ATP8B4: variants seen among roughly 807,000 people sequenced by gnomAD.
ATP8B4 encodes probable phospholipid-transporting ATPase IM.
In ATP8B4, 133 loss-of-function variants were observed where a neutral mutation model predicts 145.6. That is an observed-to-expected ratio of 0.91 (90% CI 0.79 to 1.05). ATP8B4 has a LOEUF of 1.05. Ranked by LOEUF, ATP8B4 falls within the 50% of genes least tolerant of loss-of-function variation. The pLI is 0.00. For missense variants in ATP8B4, 1,458 were observed against 1,425.2 expected (o/e 1.02, Z -0.37); for synonymous variants, 507 against 492.9 (o/e 1.03, Z -0.38).
intron 5 of ATP8B4, among the ~76,000 whole-genome samples, chr15:50,041,553 C>T (rs542228980): frequency 5.3e-5 from 8 of 152,296 alleles, no homozygotes; most frequent in Non-Finnish European, 7.4e-5. Context: ...CCTTGAACAA[C>T]GGCAACCTCA....
chr15:50,003,281 T>C (rs1320501295), intron 7 of ATP8B4, among the ~76,000 whole-genome samples: 1 of 145,290 alleles, frequency 6.9e-6, no homozygotes, highest in Non-Finnish European at 1.5e-5. Context: ...TGCATGTGTG[T>C]GTGTGTGTGT....
At chr15:49,873,100 G>T (rs1464848407) in intron 25 of ATP8B4, among the ~76,000 whole-genome samples, 1 of 152,090 alleles carries the variant, frequency 6.6e-6, no homozygotes, top group Non-Finnish European at 1.5e-5. Flanking sequence ...AGCAACAAAA[G>T]GTTATCCATT....
chr15:49,951,980 G>A (rs2043143581), intron 14 of ATP8B4, among the ~76,000 whole-genome samples: 1 of 152,106 alleles, frequency 6.6e-6, no homozygotes, highest in African/African-American at 2.4e-5. Flanking sequence ...ACGAAATCCT[G>A]GGTTGAAAAT....
Position 49,862,343 on chromosome 15 carries a change from T to C in ATP8B4, c.3199A>G (p.Ile1067Val), listed in dbSNP as rs759307195. The change falls in exon 27 of 28, where the codon ATC (isoleucine) becomes GTC (valine). Residue 1067 changes from isoleucine (I) to valine (V), a missense_variant. Coordinates refer to ENST00000284509, the MANE Select transcript of ATP8B4 (RefSeq NM_024837.4). ...GTTGTTAAGAGAATTACAAGCCAGA[T>C]GCACTTCTGGGTCAGGGAATGTCGT... Reference protein sequence around the residue: ...NARHSLTQKCIWLVILLTTVA... With the variant: ...NARHSLTQKCVWLVILLTTVA... The C allele has an allele frequency of 1.5e-5, 24 of 1,613,696 alleles. No individual in the cohort carries two copies. The Middle Eastern group carries it at 2.1e-3, about 144-fold the overall frequency.
rs558628948 is a variant in ATP8B4, at chr15:50,057,556, T to A, written c.88-10092A>T. 3.9e-5 allele frequency among the ~76,000 whole-genome samples: 6 copies of A among 152,316 alleles called. No homozygotes were observed. The East Asian group carries it at 1.2e-3, about 29-fold the overall frequency. On this transcript the variant is annotated intron_variant, in intron 3 of 27. Transcript: ENST00000284509. ...CAGTGAAGAGCTCACATTAATTCAA[T>A]CAGCTGGAGCAGTCACTTCCAGTCC...
upstream of ATP8B4, among the ~76,000 whole-genome samples, chr15:50,123,040 C>G (rs944645590): frequency 2.6e-5 from 4 of 152,056 alleles, no homozygotes; most frequent in Admixed American, 2.6e-4. Flanking sequence ...AGCACACAAC[C>G]CAGCACCTGT....
chr15:49,929,730 A>C, intron 16 of ATP8B4, among the ~76,000 whole-genome samples: 1 of 152,088 alleles, frequency 6.6e-6, no homozygotes, highest in South Asian at 2.1e-4. Flanking sequence ...GAAGAGAAAC[A>C]GGAGCCAGAA....
chr15:49,978,404 G>A (rs2413993), intron 12 of ATP8B4, among the ~76,000 whole-genome samples: 74,409 of 151,958 alleles, frequency 0.49, 19,190 homozygotes, highest in East Asian at 0.65. Flanking sequence ...TGGTATTGTG[G>A]CCACATGCCA....
intron 2 of ATP8B4, among the ~76,000 whole-genome samples, chr15:50,082,529 G>A (rs1740404349): frequency 6.6e-6 from 1 of 152,184 alleles, no homozygotes; most frequent in Non-Finnish European, 1.5e-5. Context: ...TGGAAAATTT[G>A]ATTTGAGAAC....
At chr15:49,884,957 C>T (rs2035999273) in intron 23 of ATP8B4, among the ~76,000 whole-genome samples, 1 of 152,210 alleles carries the variant, frequency 6.6e-6, no homozygotes, top group Non-Finnish European at 1.5e-5. Context: ...GGAAAATTGT[C>T]TTCCATGAAA....
intron 3 of ATP8B4, 39 bp downstream of exon 3, chr15:50,074,088 C>A: frequency 6.4e-7 from 1 of 1,571,596 alleles, no homozygotes; most frequent in Non-Finnish European, 8.7e-7. Flanking sequence ...TTAGGTAAGA[C>A]CTATCCTAGT....
At chr15:49,917,535 C>T (rs997283119) in intron 19 of ATP8B4, among the ~76,000 whole-genome samples, 1 of 152,068 alleles carries the variant, frequency 6.6e-6, no homozygotes, top group African/African-American at 2.4e-5. Flanking sequence ...TTCTCTCACA[C>T]ACAACATTGC....
intron 23 of ATP8B4, among the ~76,000 whole-genome samples, chr15:49,894,001 C>T (rs1239659655): frequency 1.3e-5 from 2 of 152,148 alleles, no homozygotes; most frequent in Non-Finnish European, 2.9e-5. Context: ...GAAGCTGACC[C>T]CACAGCATTG....
intron 3 of ATP8B4, among the ~76,000 whole-genome samples, chr15:50,067,971 G>A (rs1204357877): frequency 1.3e-5 from 2 of 152,128 alleles, no homozygotes; most frequent in Non-Finnish European, 2.9e-5. Flanking sequence ...TTAAAGAAAA[G>A]GGGACAATGA....
chr15:50,158,229 T>G lies in ATP8B4; in HGVS notation c.-43+24032A>C, dbSNP rs1398400132. The stretch of plus-strand genomic sequence containing the variant: ...GCCTGGCCGCCCATCGTCTGGGATG[T>G]GAGGAGCCCCTCTGCCCGGCTGCCC... On this transcript the variant is annotated intron_variant, in intron 1 of 3. Coordinates refer to the ATP8B4 transcript ENST00000558829. Among the ~76,000 whole-genome samples the G allele has an allele frequency of 6.0e-4, 90 of 150,870 alleles. No individual in the cohort carries two copies. The Middle Eastern group carries it at 0.017, about 29-fold the overall frequency.
intron 25 of ATP8B4, among the ~76,000 whole-genome samples, chr15:49,869,933 C>G (rs1440372207): frequency 6.6e-6 from 1 of 151,966 alleles, no homozygotes; most frequent in African/African-American, 2.4e-5. Flanking sequence ...ACTCTCTGAC[C>G]CAGTAATGAA....
chr15:50,081,323 A>G (rs757781312), intron 2 of ATP8B4, among the ~76,000 whole-genome samples: 24 of 152,222 alleles, frequency 1.6e-4, no homozygotes, highest in Admixed American at 2.6e-4. Context: ...ACAGAAAAAT[A>G]CCAGAAAAAT....
In ATP8B4 at chr15:49,972,710, G is replaced by T; in HGVS notation, c.1115C>A (p.Ala372Glu). The change falls in exon 13 of 28, where the codon GCA becomes GAA. Residue 372 changes from alanine to glutamate, a missense_variant. By Grantham distance (107) the Ala-to-Glu change is moderately radical. Coordinates refer to ENST00000284509, the MANE Select transcript of ATP8B4 (RefSeq NM_024837.4). The stretch of plus-strand genomic sequence containing the variant: ...ATTGAGCGTGGTCGTTCGAGCCACT[G>T]CAGGTATTGCTTTTCGAGAATAATA... The part of the protein sequence containing the change: ...KMYYSRKAIP[A>E]VARTTTLNEE... 1 of 1,613,964 alleles carries T rather than the reference G, an allele frequency of 6.2e-7. No homozygotes were observed.
chr15:49,932,960 G>A (rs915716569), intron 15 of ATP8B4, among the ~76,000 whole-genome samples: 3 of 152,062 alleles, frequency 2.0e-5, no homozygotes, highest in Non-Finnish European at 2.9e-5. Flanking sequence ...TGACTCTCAT[G>A]TAAACTTGCA....
Sources: gnomAD v4.1 joint callset for allele counts (sites outside exome capture counted in the v4.1 genomes callset) on GRCh38, gnomAD v4.1.1 for gene constraint, MANE v1.5 for transcripts, NCBI Gene and HGNC (gene_info 2026-07-23, HGNC 2026-07-21) for gene names.